The following IPP variants were observed in gnomAD, a reference collection of about 807,000 sequenced individuals.
IPP encodes the protein intracisternal A particle-promoted polypeptide, also known as actin-binding protein IPP.
IPP carries 41 observed loss-of-function variants against 64.1 expected under a neutral mutation model. That is an observed-to-expected ratio of 0.64 (90% CI 0.50 to 0.83). IPP has a LOEUF of 0.83. Among genes scored for constraint, IPP ranks in the 40% least tolerant of loss-of-function variants. The probability of loss-of-function intolerance (pLI) is 0.00; values close to 1 mark genes in which losing one functional copy is unlikely to be tolerated. For synonymous variants in IPP, 214 were observed against 235.2 expected, an observed-to-expected ratio of 0.91 and a Z score of 0.83; for missense variants, 649 against 703.0, an observed-to-expected ratio of 0.92 and a Z score of 0.87.
intron 8 of IPP, among the ~76,000 whole-genome samples, chr1:45,708,191 A>G (rs916360251): frequency 6.6e-6 from 1 of 151,464 alleles, no homozygotes; most frequent in Non-Finnish European, 1.5e-5. Context: ...CAGCCTCCCA[A>G]GTGGCTAGGA....
At position 45,741,065 on chromosome 1, in the gene IPP, A is replaced by G. The variant is rs1335888819; in HGVS notation, c.560T>C (p.Leu187Ser). Residue 187 changes from leucine (L) to serine (S), a missense_variant, in exon 3 of 9, where the codon TTG becomes TCG. Transcript: ENST00000396478. Reference protein sequence around the residue: ...ALTKDQLIKILRSEELSIEDE... With the variant: ...ALTKDQLIKISRSEELSIEDE... ...CTCAATGCTAAGCTCTTCACTTCGC[A>G]AAATTTTGATCAGCTGATCTTTCGT... 7 of 1,614,044 alleles carry G rather than the reference A, an allele frequency of 4.3e-6. No homozygotes were observed. The Admixed American group carries it at 1.2e-4, about 27-fold the overall frequency.
chr1:45,717,827 C>G (rs1645681890), intron 6 of IPP, among the ~76,000 whole-genome samples: 2 of 152,138 alleles, frequency 1.3e-5, no homozygotes, highest in South Asian at 4.1e-4. Context: ...CTCTCCAATT[C>G]TTAAAACTGA....
At chr1:45,747,834 C>CAAAAAAAAA (rs60576414) in intron 1 of IPP, among the ~76,000 whole-genome samples, 6 of 39,298 alleles carry the variant, frequency 1.5e-4, no homozygotes, top group Non-Finnish European at 2.2e-4. Context: ...GACTCTGTCT[C>CAAAAAAAAA]AAAAAAAAAA....
At chr1:45,704,435 A>C (rs1645491678) in intron 8 of IPP, among the ~76,000 whole-genome samples, 1 of 151,952 alleles carries the variant, frequency 6.6e-6, no homozygotes, top group African/African-American at 2.4e-5. Flanking sequence ...ATGGGGTTTC[A>C]CCATGTTGGC....
At chr1:45,723,000 G>C (rs1569995743) in intron 5 of IPP, among the ~76,000 whole-genome samples, 1 of 152,206 alleles carries the variant, frequency 6.6e-6, no homozygotes, top group East Asian at 1.9e-4. Flanking sequence ...GATGGGTACA[G>C]TGTTTCTTTC....
intron 8 of IPP, among the ~76,000 whole-genome samples, chr1:45,706,265 C>A (rs1015197058): frequency 6.6e-6 from 1 of 152,030 alleles, no homozygotes; most frequent in Non-Finnish European, 1.5e-5. Flanking sequence ...TAAACTAGAT[C>A]TAAAGGAAGG....
intron 1 of IPP, 147 bp from the exon 2 acceptor site, chr1:45,746,608 AT>A: frequency 2.0e-6 from 1 of 502,780 alleles, no homozygotes; most frequent in Non-Finnish European, 3.5e-6. Flanking sequence ...ACTATTTCTA[AT>A]ATGGTTTCAG....
downstream of IPP, among the ~76,000 whole-genome samples, chr1:45,696,468 A>G (rs1019717196): frequency 3.9e-5 from 6 of 152,224 alleles, no homozygotes; most frequent in African/African-American, 1.4e-4. Flanking sequence ...TAGATACTTT[A>G]TTAGTACATT....
chr1:45,701,501 G>A (rs1645455154), intron 8 of IPP, among the ~76,000 whole-genome samples: 1 of 152,126 alleles, frequency 6.6e-6, no homozygotes, highest in African/African-American at 2.4e-5. Context: ...TGGCCAGGCT[G>A]GTCTCAAACT....
intron 8 of IPP, 84 bp downstream of exon 8, chr1:45,714,162 G>T (rs938424378): frequency 4.2e-6 from 4 of 956,988 alleles, no homozygotes; most frequent in Non-Finnish European, 6.6e-6. Flanking sequence ...TCAATATCAT[G>T]AGTGAAAAAG....
chr1:45,733,891 T>C (rs921620179), intron 3 of IPP, among the ~76,000 whole-genome samples: 1 of 150,492 alleles, frequency 6.6e-6, no homozygotes, highest in Admixed American at 6.6e-5. Context: ...AAGCAACACA[T>C]AGAAATTCTC....
chr1:45,708,204 A>G (rs1379678379), intron 8 of IPP, among the ~76,000 whole-genome samples: 1 of 151,608 alleles, frequency 6.6e-6, no homozygotes, highest in African/African-American at 2.4e-5. Flanking sequence ...GGCTAGGACT[A>G]CAGACGCCAG....
In IPP at chr1:45,746,305, A is replaced by G; in HGVS notation, c.107T>C (p.Phe36Ser). 2 of 1,614,208 alleles carry G rather than the reference A, an allele frequency of 1.2e-6. No individual in the cohort carries two copies. Among genetic ancestry groups the G allele is most frequent in the South Asian group, 2.2e-5 (2 of 91,088 alleles). ...QINKMRNGQH[F>S]CDVQLQVGQE... The stretch of plus-strand genomic sequence containing the variant: ...TCCAACTTGCAGCTGCACATCACAG[A>G]AATGCTGTCCATTTCTCATCTTATT... The change falls in exon 2 of 9, where the codon TTC (phenylalanine) becomes TCC (serine). Residue 36 changes from phenylalanine to serine, a missense_variant. Physicochemically the swap from Phe to Ser is radical, Grantham distance 155 (BLOSUM62 -2). Transcript: ENST00000396478.
intron 5 of IPP, among the ~76,000 whole-genome samples, chr1:45,723,134 T>TA (rs1332652544): frequency 6.6e-6 from 1 of 152,152 alleles, no homozygotes; most frequent in East Asian, 1.9e-4. Context: ...TATCTTAATT[T>TA]AAAAAACCCA....
chr1:45,714,510 T>C, intron 7 of IPP, 44 bp from the exon 8 acceptor site: 1 of 1,090,088 alleles, frequency 9.2e-7, no homozygotes, highest in South Asian at 1.3e-5. Flanking sequence ...GATAGTGAGA[T>C]ACAAATAATG....
intron 7 of IPP, 124 bp downstream of exon 7, chr1:45,716,771 T>C (rs1233017237): frequency 2.9e-6 from 2 of 691,132 alleles, no homozygotes; most frequent in Non-Finnish European, 4.7e-6. Context: ...AGAACTTCTA[T>C]GCTGCTAGTA....
intron 4 of IPP, 83 bp downstream of exon 4, chr1:45,729,531 T>G: frequency 9.7e-7 from 1 of 1,034,658 alleles, no homozygotes; most frequent in East Asian, 2.4e-5. Context: ...TTCTGACATG[T>G]ATAGTAATAA....
intron 8 of IPP, among the ~76,000 whole-genome samples, chr1:45,711,710 T>C (rs926560580): frequency 8.7e-5 from 13 of 149,168 alleles, no homozygotes; most frequent in African/African-American, 3.2e-4. Flanking sequence ...GCTCTGATCA[T>C]GCCACTGTAC....
chr1:45,748,709 C>A (rs924252430), intron 1 of IPP, among the ~76,000 whole-genome samples: 1 of 151,978 alleles, frequency 6.6e-6, no homozygotes, highest in Non-Finnish European at 1.5e-5. Flanking sequence ...CGGTGACTCA[C>A]GCCTTTAATC....
Sources: allele counts gnomAD v4.1 joint callset (sites outside exome capture counted in the v4.1 genomes callset), GRCh38; gene constraint gnomAD v4.1.1; transcripts MANE v1.5; gene names NCBI Gene and HGNC (gene_info 2026-07-23, HGNC 2026-07-21).